Variants in PCDHA9 observed in about 807,000 individuals in gnomAD.
PCDHA9 encodes the protein protocadherin alpha 9.
PCDHA9 carries 62 observed loss-of-function variants against 62.0 expected under a neutral mutation model. That is an observed-to-expected ratio of 1.00 (90% CI 0.81 to 1.23). The LOEUF (loss-of-function observed/expected upper bound fraction) is 1.23. PCDHA9 is among the 50% of genes most tolerant of loss of function. PCDHA9 has a pLI of 0.00. For synonymous variants in PCDHA9, 557 were observed against 567.6 expected (o/e 0.98, Z 0.27); for missense variants, 1,205 against 1,249.8 (o/e 0.96, Z 0.54).
chr5:140,941,201 TC>T (rs1462646812), intron 1 of PCDHA9, among the ~76,000 whole-genome samples: 2 of 103,500 alleles, frequency 1.9e-5, no homozygotes, highest in African/African-American at 7.9e-5. Context: ...TTTTCTTTCT[TC>T]CTTTCTTTCT....
intron 1 of PCDHA9, chr5:140,871,461 A>C: frequency 1.2e-6 from 2 of 1,605,278 alleles, no homozygotes; most frequent in South Asian, 2.2e-5. Flanking sequence ...AGGAAGGGGA[A>C]AGACAGGAGC....
chr5:140,909,787 A>C (rs1299398218), intron 1 of PCDHA9, among the ~76,000 whole-genome samples: 2 of 152,156 alleles, frequency 1.3e-5, no homozygotes, highest in African/African-American at 4.8e-5. Flanking sequence ...ACCCACTCTA[A>C]GTCAGACTTC....
At chr5:140,948,253 AT>A (rs1365335948) in intron 1 of PCDHA9, among the ~76,000 whole-genome samples, 1 of 151,624 alleles carries the variant, frequency 6.6e-6, no homozygotes, top group Non-Finnish European at 1.5e-5. Context: ...ATATTTTTAC[AT>A]CTGTGTTCAT....
intron 1 of PCDHA9, among the ~76,000 whole-genome samples, chr5:140,923,821 G>A (rs1009668330): frequency 1.3e-5 from 2 of 152,148 alleles, no homozygotes; most frequent in African/African-American, 2.4e-5. Flanking sequence ...GAAAATAGAC[G>A]TCAGTGGCAG....
At position 141,011,610 on chromosome 5, in the gene PCDHA9, A is replaced by G. The variant is rs1259686391; in HGVS notation, c.*1673A>G. ...ACTGGTGATTCAAGGAATTTTATTT[A>G]TGGTCCAGCCAAGAGCCATCTCGTG... On this transcript the variant is annotated 3_prime_UTR_variant, in exon 4 of 4. Transcript: ENST00000532602. 6 of 153,722 alleles carry G rather than the reference A, an allele frequency of 3.9e-5. No individual in the cohort carries two copies. Among genetic ancestry groups the G allele is most frequent in the African/African-American group, 1.2e-4 (5 of 41,448 alleles). 9.5% of individuals were successfully genotyped at this position (153,722 alleles called of 1,614,324 possible). A position where few individuals can be genotyped will look rare whatever the true frequency, so the allele number is the denominator to read the frequency against.
chr5:140,870,626 C>G lies in PCDHA9; in HGVS notation c.2394+19737C>G, dbSNP rs782773688. Reference sequence around the variant, plus strand: ...GACCGCGCGCTGTCGAGCTACGTGTCGGTGCACGCGGAGAGCGGCAAGGTG... The same window carrying G: ...GACCGCGCGCTGTCGAGCTACGTGTGGGTGCACGCGGAGAGCGGCAAGGTG... On this transcript the variant is annotated intron_variant, in intron 1 of 3. Coordinates refer to ENST00000532602, the MANE Select transcript of PCDHA9 (RefSeq NM_031857.2). 15 of 1,613,016 alleles carry G rather than the reference C, an allele frequency of 9.3e-6. No individual in the cohort carries two copies. The highest frequency in any genetic ancestry group is 1.1e-5 in the Non-Finnish European group (13 of 1,179,794).
At chr5:140,932,338 CACTT>C (rs1448800324) in intron 1 of PCDHA9, among the ~76,000 whole-genome samples, 19 of 151,866 alleles carry the variant, frequency 1.3e-4, no homozygotes, top group Non-Finnish European at 2.2e-4. Flanking sequence ...ATGCATGAAA[CACTT>C]ACCATACAAC....
chr5:140,853,934 C>T (rs2042914376), intron 1 of PCDHA9: 1 of 864,500 alleles, frequency 1.2e-6, no homozygotes, highest in South Asian at 5.2e-5. Context: ...TTTGGGAGGC[C>T]AAGGTGGGAG....
chr5:140,852,573 G>A, intron 1 of PCDHA9: 2 of 794,360 alleles, frequency 2.5e-6, no homozygotes, highest in Non-Finnish European at 3.1e-6. Flanking sequence ...ACTGTGCCAA[G>A]GCTTTTTTAT....
At chr5:141,004,952 C>T (rs543938360) in intron 3 of PCDHA9, among the ~76,000 whole-genome samples, 52 of 152,346 alleles carry the variant, frequency 3.4e-4, no homozygotes, top group African/African-American at 1.2e-3. Context: ...TACCCTCTCT[C>T]GTCACTGCCT....
At chr5:140,874,372 A>C (rs1055265865) in intron 1 of PCDHA9, among the ~76,000 whole-genome samples, 1 of 152,362 alleles carries the variant, frequency 6.6e-6, no homozygotes, top group South Asian at 2.1e-4. Context: ...TAAACTCATG[A>C]AAGGTCTTTT....
At chr5:140,977,619 C>T (rs1289978944) in intron 1 of PCDHA9, among the ~76,000 whole-genome samples, 1 of 152,240 alleles carries the variant, frequency 6.6e-6, no homozygotes, top group African/African-American at 2.4e-5. Context: ...TAAAGTATCC[C>T]AGAGTTGTAA....
Position 140,967,862 on chromosome 5 carries a change from G to T in PCDHA9, c.2395-11087G>T, listed in dbSNP as rs781878230. On this transcript the variant is annotated intron_variant, in intron 1 of 3. Transcript: ENST00000532602. ...CGTGAATGACAATGCCCCAGAGGTG[G>T]TGCTCACGGACCTGTATAGCCCAGT... The T allele has an allele frequency of 8.1e-6, 13 of 1,614,170 alleles. No individual in the cohort carries two copies. The East Asian group carries it at 2.5e-4, about 30-fold the overall frequency.
rs2150492048 is a variant in PCDHA9, at chr5:140,850,648, A to T, written c.2153A>T (p.Tyr718Phe). The T allele has an allele frequency of 6.9e-6, 11 of 1,598,398 alleles. No individual in the cohort carries two copies. In the South Asian group the frequency reaches 1.1e-4, roughly 16 times the overall value. The change falls in exon 1 of 4, where the codon TAC becomes TTC. Residue 718 changes from tyrosine to phenylalanine, a missense_variant. Physicochemically the swap from Tyr to Phe is conservative, Grantham distance 22 (BLOSUM62 3). Coordinates refer to ENST00000532602, the MANE Select transcript of PCDHA9 (RefSeq NM_031857.2). ...CTGTTGGTTCTCACGCTGCTGCTGT[A>T]CACTGTGCTGCGGTGCTCGGCGATG... ...SSLLVLTLLL[Y>F]TVLRCSAMPT...
rs2098331172 is a variant in PCDHA9, at chr5:141,007,465, G to A, written c.2543-2162G>A. Among the ~76,000 whole-genome samples, 5 of 151,906 alleles carry A rather than the reference G, an allele frequency of 3.3e-5. No individual in the cohort carries two copies. The South Asian group carries it at 1.0e-3, about 32-fold the overall frequency. ...TGCCTGTAGTCCCAGCTACTCAGGA[G>A]GCTGAGGCACGAGAATTACTTGGAC... On this transcript the variant is annotated intron_variant, in intron 3 of 3. Transcript: ENST00000532602.
intron 1 of PCDHA9, among the ~76,000 whole-genome samples, chr5:140,942,273 G>C (rs1360564646): frequency 6.6e-6 from 1 of 152,132 alleles, no homozygotes; most frequent in South Asian, 2.1e-4. Context: ...AGCTGGTAAT[G>C]GTGGCTCATG....
intron 1 of PCDHA9, among the ~76,000 whole-genome samples, chr5:140,908,968 C>T (rs1201886997): frequency 6.6e-6 from 1 of 152,092 alleles, no homozygotes; most frequent in African/African-American, 2.4e-5. Flanking sequence ...TCTTGATAGG[C>T]CCCACTCCAC....
At chr5:140,926,217 T>C (rs1201243643) in intron 1 of PCDHA9, among the ~76,000 whole-genome samples, 1 of 151,994 alleles carries the variant, frequency 6.6e-6, no homozygotes, top group African/African-American at 2.4e-5. Flanking sequence ...CCTGTTTCCT[T>C]AAGCCTAGAA....
rs2098422979 is a variant in PCDHA9, at chr5:141,012,116, T to C, written c.*2179T>C. The C allele has an allele frequency of 6.5e-6, 1 of 153,756 alleles. No individual in the cohort carries two copies. Among genetic ancestry groups the C allele is most frequent in the African/African-American group, 2.4e-5 (1 of 41,464 alleles). The allele number at this position is 153,756 out of a possible 1,614,324, so 9.5% of individuals were successfully genotyped here. ...GATCATTTTGCCCCACTGAAGCCCA[T>C]GTATCTGACCTTACGTGCCTTTTGA... On this transcript the variant is annotated 3_prime_UTR_variant, in exon 4 of 4. Coordinates refer to ENST00000532602, the MANE Select transcript of PCDHA9 (RefSeq NM_031857.2).
Sources: allele counts gnomAD v4.1 joint callset (sites outside exome capture counted in the v4.1 genomes callset), GRCh38; gene constraint gnomAD v4.1.1; transcripts MANE v1.5; gene names NCBI Gene and HGNC (gene_info 2026-07-23, HGNC 2026-07-21).